LARGE1: variants seen among roughly 807,000 people sequenced by gnomAD.
LARGE1 encodes the protein LARGE xylosyl- and glucuronyltransferase 1.
LARGE1 carries 43 observed loss-of-function variants against 87.6 expected under a neutral mutation model. That is an observed-to-expected ratio of 0.49 (90% CI 0.38 to 0.63). The LOEUF is 0.63. LARGE1 is among the 30% of genes least tolerant of loss of function. LARGE1 has a pLI of 0.00. For synonymous variants in LARGE1, 434 were observed against 394.6 expected, an observed-to-expected ratio of 1.10 and a Z score of -1.18; for missense variants, 802 against 1,000.2, an observed-to-expected ratio of 0.80 and a Z score of 2.67.
chr22:33,406,790 C>CATTT (rs775417998), intron 7 of LARGE1, among the ~76,000 whole-genome samples: 1 of 152,078 alleles, frequency 6.6e-6, no homozygotes, highest in East Asian at 1.9e-4. Flanking sequence ...TGTGAAAATG[C>CATTT]ATTTATTTAT....
intron 11 of LARGE1, among the ~76,000 whole-genome samples, chr22:33,186,011 A>T (rs1923454671): frequency 6.6e-6 from 1 of 152,184 alleles, no homozygotes; most frequent in South Asian, 2.1e-4. Flanking sequence ...CTCTGTAGCT[A>T]TTCAAGAACT....
chr22:33,144,607 A>C, the LARGE1 span, among the ~76,000 whole-genome samples: 2 of 152,174 alleles, frequency 1.3e-5, no homozygotes, highest in African/African-American at 4.8e-5. Context: ...AGAATGATGC[A>C]ACCATACTGT....
intron 13 of LARGE1, among the ~76,000 whole-genome samples, chr22:33,279,314 A>G (rs1929986283): frequency 6.6e-6 from 1 of 152,184 alleles, no homozygotes; most frequent in South Asian, 2.1e-4. Context: ...GGAACCCAAG[A>G]GCATAGCTGC....
intron 5 of LARGE1, among the ~76,000 whole-genome samples, chr22:33,569,875 G>A (rs1164388539): frequency 6.6e-6 from 1 of 152,210 alleles, no homozygotes; most frequent in Admixed American, 6.5e-5. Context: ...TTTTGACTGT[G>A]GTAACAACAC....
At chr22:33,686,024 T>G (rs1461435168) in intron 2 of LARGE1, among the ~76,000 whole-genome samples, 1 of 152,184 alleles carries the variant, frequency 6.6e-6, no homozygotes, top group Admixed American at 6.5e-5. Flanking sequence ...TGGTAGTATT[T>G]ATCGACTCAT....
chr22:33,462,087 G>GA (rs2068405173), intron 6 of LARGE1, among the ~76,000 whole-genome samples: 3 of 152,166 alleles, frequency 2.0e-5, no homozygotes, highest in Non-Finnish European at 4.4e-5. Flanking sequence ...TAACCATACA[G>GA]ATTATACAAT....
intron 6 of LARGE1, among the ~76,000 whole-genome samples, chr22:33,453,613 C>T (rs560501632): frequency 3.3e-5 from 5 of 152,216 alleles, no homozygotes; most frequent in Admixed American, 2.6e-4. Context: ...CTGCGTGCAC[C>T]GTGATTTGGA....
chr22:33,338,125 G>C (rs918707823), intron 9 of LARGE1, among the ~76,000 whole-genome samples: 6 of 152,182 alleles, frequency 3.9e-5, no homozygotes, highest in Non-Finnish European at 4.4e-5. Flanking sequence ...GTGATGCTTA[G>C]GCCACGACTC....
At chr22:33,277,511 T>C (rs936490533) in intron 13 of LARGE1, among the ~76,000 whole-genome samples, 3 of 152,136 alleles carry the variant, frequency 2.0e-5, no homozygotes, top group Non-Finnish European at 4.4e-5. Context: ...CCAATATTTG[T>C]TGTCCTTATA....
intron 11 of LARGE1, among the ~76,000 whole-genome samples, chr22:33,169,553 A>G (rs1284285939): frequency 3.3e-5 from 5 of 152,160 alleles, no homozygotes; most frequent in Non-Finnish European, 7.4e-5. Flanking sequence ...ACCCAGAGTC[A>G]TAAAAATGTC....
chr22:33,893,003 C>T (rs1206999697), intron 1 of LARGE1, among the ~76,000 whole-genome samples: 2 of 152,188 alleles, frequency 1.3e-5, no homozygotes, highest in Non-Finnish European at 2.9e-5. Flanking sequence ...ACTTTGAATC[C>T]AACCTACAGT....
intron 2 of LARGE1, among the ~76,000 whole-genome samples, chr22:33,674,075 C>T (rs1300837488): frequency 6.6e-6 from 1 of 152,176 alleles, no homozygotes; most frequent in Non-Finnish European, 1.5e-5. Flanking sequence ...TCCCAAAGTG[C>T]TGGGATTACA....
rs969496307 is a variant in LARGE1 at position 33,337,629 on chromosome 22, C to T, written c.1287+17G>A. ...GAGAAGCCGCCCCTTCCCTGCCCAG[C>T]CTTGCGAGCCACTTACGTTTTCACT... On this transcript the variant is annotated intron_variant, in intron 10 of 14. Transcript: ENST00000397394. 1 of 1,613,988 alleles carries T rather than the reference C, an allele frequency of 6.2e-7. No individual in the cohort carries two copies. Among genetic ancestry groups the T allele is most frequent in the Non-Finnish European group, 8.5e-7 (1 of 1,179,992 alleles).
intron 11 of LARGE1, among the ~76,000 whole-genome samples, chr22:33,231,981 A>G (rs1926027442): frequency 6.6e-6 from 1 of 152,160 alleles, no homozygotes; most frequent in Admixed American, 6.5e-5. Flanking sequence ...AACAATCTGG[A>G]AAGAATTGTA....
At chr22:33,342,092 C>T (rs1939212951) in intron 9 of LARGE1, among the ~76,000 whole-genome samples, 1 of 152,190 alleles carries the variant, frequency 6.6e-6, no homozygotes, top group Non-Finnish European at 1.5e-5. Context: ...AGGGAAGACT[C>T]TCCCCTGAGA....
rs58724713 is a variant in LARGE1, at chr22:33,798,290, C to CTCAATCAATCAATCAA, written c.-82-36748_-82-36733dup. Among the ~76,000 whole-genome samples, 4 of 151,560 alleles carry CTCAATCAATCAATCAA rather than the reference C, an allele frequency of 2.6e-5. No homozygotes were observed. The East Asian group carries it at 5.8e-4, about 22-fold the overall frequency. ...GGGAGACAAGAGCGAAACTCTGTCT[C>CTCAATCAATCAATCAA]TCAATCAATCAATCAATCAATCAAT... On this transcript the variant is annotated intron_variant, in intron 1 of 14. Transcript: ENST00000397394.
chr22:33,131,565 G>A, the LARGE1 span, among the ~76,000 whole-genome samples: 4 of 152,278 alleles, frequency 2.6e-5, no homozygotes, highest in African/African-American at 9.6e-5. Flanking sequence ...CGAAGGCAAA[G>A]GAGAAGCAAA....
At chr22:33,465,605 C>T (rs776285606) in intron 6 of LARGE1, among the ~76,000 whole-genome samples, 35 of 152,170 alleles carry the variant, frequency 2.3e-4, no homozygotes, top group Non-Finnish European at 4.9e-4. Context: ...AGGTGGGTGC[C>T]AGTACCATAA....
intron 9 of LARGE1, among the ~76,000 whole-genome samples, chr22:33,379,227 C>G (rs1300822065): frequency 2.0e-5 from 3 of 149,532 alleles, no homozygotes. Context: ...AGAAGTCACA[C>G]AGGCAAAGCT....
Sources: allele counts gnomAD v4.1 joint callset (sites outside exome capture counted in the v4.1 genomes callset), GRCh38; gene constraint gnomAD v4.1.1; transcripts MANE v1.5; gene names NCBI Gene and HGNC (gene_info 2026-07-23, HGNC 2026-07-21).